ZCCHC17: variants seen among roughly 807,000 people sequenced by gnomAD.
ZCCHC17 encodes zinc finger CCHC-type containing 17.
Under a neutral mutation model 30.6 loss-of-function variants are expected in ZCCHC17, and 18 were observed. The observed-to-expected ratio is 0.59, with a 90% CI of 0.41 to 0.87. The LOEUF (loss-of-function observed/expected upper bound fraction) is 0.87, where lower values mean the gene tolerates loss of function less well. Ranked by LOEUF, ZCCHC17 falls within the 40% of genes least tolerant of loss-of-function variation. The pLI is 0.00. For missense variants in ZCCHC17, 263 were observed against 284.2 expected (o/e 0.93, Z 0.54); for synonymous variants, 88 against 92.4 (o/e 0.95, Z 0.27).
chr1:31,332,031 T>G (rs1023974108), intron 3 of ZCCHC17, among the ~76,000 whole-genome samples: 10 of 152,240 alleles, frequency 6.6e-5, no homozygotes, highest in Non-Finnish European at 8.8e-5. Flanking sequence ...TGATCACTAA[T>G]GATCACTAAT....
intron 3 of ZCCHC17, among the ~76,000 whole-genome samples, chr1:31,325,100 G>A (rs1052912302): frequency 1.3e-5 from 2 of 152,176 alleles, no homozygotes; most frequent in African/African-American, 2.4e-5. Context: ...TCTCCTCTCC[G>A]TCAAGGGCTG....
chr1:31,343,669 G>C (rs1639130659), intron 5 of ZCCHC17, among the ~76,000 whole-genome samples: 1 of 146,862 alleles, frequency 6.8e-6, no homozygotes, highest in South Asian at 2.2e-4. Context: ...ATCAAGATCA[G>C]AATTGAGTGT....
At chr1:31,326,463 T>C (rs1316692142) in intron 3 of ZCCHC17, among the ~76,000 whole-genome samples, 1 of 152,248 alleles carries the variant, frequency 6.6e-6, no homozygotes, top group Non-Finnish European at 1.5e-5. Context: ...TGGAATTTAA[T>C]GACATCGAAC....
Position 31,354,601 on chromosome 1 carries a change from C to T in ZCCHC17, c.564+5627C>T, listed in dbSNP as rs139374446. Among the ~76,000 whole-genome samples the T allele has an allele frequency of 3.1e-3, 474 of 152,160 alleles. 2 individuals are homozygous for T. The highest frequency in any genetic ancestry group is 0.011 in the African/African-American group (451 of 41,502). ...AGAGGTAAATGGTACTTGTTACATT[C>T]CTAAAGAGGGTATATGGATATCTCA... is the stretch of plus-strand genomic sequence containing the variant. On this transcript the variant is annotated intron_variant, in intron 7 of 7. Coordinates refer to ENST00000344147, the MANE Select transcript of ZCCHC17 (RefSeq NM_016505.4).
intron 3 of ZCCHC17, among the ~76,000 whole-genome samples, chr1:31,334,131 T>C (rs145801940): frequency 3.3e-5 from 5 of 152,200 alleles, no homozygotes; most frequent in African/African-American, 1.2e-4. Flanking sequence ...TATAAAACAT[T>C]TTAGAGGCCC....
chr1:31,334,303 A>ATATCTCTCTCTCTC (rs1553123224), intron 3 of ZCCHC17, among the ~76,000 whole-genome samples: 4 of 51,598 alleles, frequency 7.8e-5, no homozygotes, highest in Admixed American at 2.3e-4. Context: ...ATCCATGTGC[A>ATATCTCTCTCTCTC]TCTCTCTCTC....
At chr1:31,308,800 T>A (rs998562995) in intron 1 of ZCCHC17, among the ~76,000 whole-genome samples, 1 of 152,224 alleles carries the variant, frequency 6.6e-6, no homozygotes, top group Non-Finnish European at 1.5e-5. Flanking sequence ...TTATCTCAGG[T>A]AACACCTCAG....
intron 2 of ZCCHC17, among the ~76,000 whole-genome samples, chr1:31,312,991 T>C (rs1049362905): frequency 1.3e-5 from 2 of 151,310 alleles, no homozygotes; most frequent in Middle Eastern, 3.3e-3. Flanking sequence ...CAGGCTAGTC[T>C]CCTGACCTCA....
chr1:31,327,965 A>G (rs910735065), intron 3 of ZCCHC17, among the ~76,000 whole-genome samples: 2 of 152,192 alleles, frequency 1.3e-5, no homozygotes, highest in Non-Finnish European at 2.9e-5. Flanking sequence ...ACAAACTTGA[A>G]CATATGTACC....
intron 7 of ZCCHC17, among the ~76,000 whole-genome samples, chr1:31,363,345 G>A (rs1181481647): frequency 6.6e-6 from 1 of 151,960 alleles, no homozygotes; most frequent in Non-Finnish European, 1.5e-5. Flanking sequence ...CACCACGCCT[G>A]GCTAATATTT....
In ZCCHC17 at chr1:31,302,080, T is replaced by A. The variant is rs191538487; in HGVS notation, c.-56+5005T>A. Reference sequence around the variant, plus strand: ...ATGTCTCTACTAAAAGTACACAAATTAGCTGGGCATGGTGTTGCATGCCTG... The same window carrying A: ...ATGTCTCTACTAAAAGTACACAAATAAGCTGGGCATGGTGTTGCATGCCTG... On this transcript the variant is annotated intron_variant, in intron 1 of 7. Coordinates refer to ENST00000344147, the MANE Select transcript of ZCCHC17 (RefSeq NM_016505.4). Among the ~76,000 whole-genome samples, 282 of 152,212 alleles carry A rather than the reference T, an allele frequency of 1.9e-3. 2 individuals are homozygous for A. The highest frequency in any genetic ancestry group is 3.4e-3 in the Middle Eastern group (1 of 294).
chr1:31,318,280 G>T, intron 2 of ZCCHC17: 1 of 1,470,830 alleles, frequency 6.8e-7, no homozygotes, highest in Non-Finnish European at 9.2e-7. Context: ...ATCATTTAGT[G>T]TTAAATTCAG....
intron 7 of ZCCHC17, among the ~76,000 whole-genome samples, chr1:31,356,969 G>C (rs1396401087): frequency 2.0e-5 from 3 of 152,192 alleles, no homozygotes; most frequent in Non-Finnish European, 4.4e-5. Context: ...TGAACTTGTG[G>C]TCTGTGCTTT....
At chr1:31,345,810 A>G (rs1639248226) in intron 5 of ZCCHC17, among the ~76,000 whole-genome samples, 1 of 151,292 alleles carries the variant, frequency 6.6e-6, no homozygotes, top group African/African-American at 2.4e-5. Flanking sequence ...CTTTTAAACC[A>G]TCAGATCTCA....
At chr1:31,337,948 A>G (rs985920689) in intron 4 of ZCCHC17, among the ~76,000 whole-genome samples, 3 of 152,108 alleles carry the variant, frequency 2.0e-5, no homozygotes, top group African/African-American at 7.2e-5. Flanking sequence ...TTATGGAGTT[A>G]ATATAGAATA....
chr1:31,363,918 T>C (rs1640028391), intron 7 of ZCCHC17, 114 bp from the exon 8 acceptor site: 3 of 1,443,132 alleles, frequency 2.1e-6, no homozygotes, highest in South Asian at 3.2e-5. Flanking sequence ...CCACCTCGGC[T>C]TCCCAAAGTA....
chr1:31,310,210 G>T (rs944475710), intron 2 of ZCCHC17, 46 bp downstream of exon 2: 3 of 1,593,016 alleles, frequency 1.9e-6, no homozygotes, highest in African/African-American at 2.7e-5. Flanking sequence ...TGTTAAAATA[G>T]ATTAAGGGTG....
chr1:31,302,928 A>G (rs558204878), intron 1 of ZCCHC17, among the ~76,000 whole-genome samples: 1 of 152,336 alleles, frequency 6.6e-6, no homozygotes, highest in South Asian at 2.1e-4. Flanking sequence ...TTGGGTGAGG[A>G]CACAAAGCCA....
intron 5 of ZCCHC17, among the ~76,000 whole-genome samples, chr1:31,340,306 T>C (rs1638994414): frequency 7.1e-6 from 1 of 141,032 alleles, no homozygotes; most frequent in African/African-American, 2.5e-5. Context: ...TAAAGGGGGA[T>C]CTTGGAGGGT....
Sources: gnomAD v4.1 joint callset for allele counts (sites outside exome capture counted in the v4.1 genomes callset) on GRCh38, gnomAD v4.1.1 for gene constraint, MANE v1.5 for transcripts, NCBI Gene and HGNC (gene_info 2026-07-23, HGNC 2026-07-21) for gene names.